Variants in CACNA2D1 observed in about 807,000 individuals in gnomAD.
CACNA2D1 encodes calcium voltage-gated channel auxiliary subunit alpha2delta 1, also known as voltage-dependent calcium channel subunit alpha-2/delta-1.
Under a neutral mutation model 171.5 loss-of-function variants are expected in CACNA2D1, and 53 were observed. The ratio of observed to expected loss-of-function variants is 0.31; its 90% confidence interval spans 0.25 to 0.39. The LOEUF (loss-of-function observed/expected upper bound fraction) is 0.39, where lower values mean the gene tolerates loss of function less well. CACNA2D1 is among the 10% of genes least tolerant of loss of function. The probability of loss-of-function intolerance (pLI) is 1.00; values close to 1 mark genes in which losing one functional copy is unlikely to be tolerated. For missense variants in CACNA2D1, 903 were observed against 1,299.8 expected (o/e 0.69, Z 4.69); for synonymous variants, 442 against 443.1 (o/e 1.00, Z 0.03).
chr7:82,000,813 T>G (rs1255344664), intron 18 of CACNA2D1, among the ~76,000 whole-genome samples: 2 of 123,086 alleles, frequency 1.6e-5, no homozygotes, highest in Admixed American at 1.7e-4. Context: ...TTTTTTTTTG[T>G]AGAGGCAGGG....
chr7:82,421,669 C>T (rs2129457306), intron 1 of CACNA2D1, among the ~76,000 whole-genome samples: 1 of 152,140 alleles, frequency 6.6e-6, no homozygotes, highest in East Asian at 1.9e-4. Context: ...TGATGATTGC[C>T]TCCTGCACTA....
chr7:82,226,616 C>T (rs1260510231), intron 3 of CACNA2D1, among the ~76,000 whole-genome samples: 2 of 152,050 alleles, frequency 1.3e-5, no homozygotes, highest in South Asian at 2.1e-4. Flanking sequence ...GAGGAGGGAG[C>T]TCATTCAATC....
At chr7:82,245,987 G>C (rs1382472546) in intron 3 of CACNA2D1, among the ~76,000 whole-genome samples, 3 of 151,876 alleles carry the variant, frequency 2.0e-5, no homozygotes, top group Non-Finnish European at 2.9e-5. Context: ...TCTATGTATA[G>C]AGATCATTTG....
chr7:81,987,782 T>C (rs943192850), intron 21 of CACNA2D1, among the ~76,000 whole-genome samples: 4 of 152,038 alleles, frequency 2.6e-5, no homozygotes, highest in African/African-American at 9.7e-5. Flanking sequence ...GGTGGGAAAG[T>C]TGGGGCCTTG....
chr7:82,112,898 T>C (rs1788622945), intron 6 of CACNA2D1, among the ~76,000 whole-genome samples: 1 of 152,178 alleles, frequency 6.6e-6, no homozygotes. Context: ...TCAAGATAAG[T>C]TACAAGGATA....
chr7:82,152,896 C>T (rs1379216412), intron 4 of CACNA2D1, among the ~76,000 whole-genome samples: 1 of 151,692 alleles, frequency 6.6e-6, no homozygotes, highest in Non-Finnish European at 1.5e-5. Flanking sequence ...CATTTTGAAA[C>T]ATACTAAGGC....
At chr7:82,226,762 GT>G (rs1802409307) in intron 3 of CACNA2D1, among the ~76,000 whole-genome samples, 1 of 152,166 alleles carries the variant, frequency 6.6e-6, no homozygotes, top group Non-Finnish European at 1.5e-5. Context: ...CTTAGCGACT[GT>G]TTTTCTTGCA....
intron 15 of CACNA2D1, among the ~76,000 whole-genome samples, chr7:82,010,918 T>C (rs1210544085): frequency 1.3e-5 from 2 of 152,204 alleles, no homozygotes; most frequent in East Asian, 3.8e-4. Flanking sequence ...TCAGGTCTTA[T>C]TATTTTGATT....
chr7:82,349,611 A>G lies in CACNA2D1; in HGVS notation c.134T>C (p.Val45Ala). ...TCCACTTGCTGTTTTTGCCAGTGTG[A>G]CAAGGTCTTCTTGCATCTTATCCAC... ...SWVDKMQEDLVTLAKTASGVN... is the reference protein window; with the variant it reads ...SWVDKMQEDLATLAKTASGVN... The change falls in exon 2 of 39, where the codon GTC (valine) becomes GCC (alanine). Residue 45 changes from valine (V) to alanine (A), a missense_variant. Coordinates refer to ENST00000356860, the MANE Select transcript of CACNA2D1 (RefSeq NM_000722.4). 9 of 1,614,054 alleles carry G rather than the reference A, an allele frequency of 5.6e-6. No homozygotes were observed. Among genetic ancestry groups the G allele is most frequent in the Non-Finnish European group, 7.6e-6 (9 of 1,179,918 alleles).
intron 34 of CACNA2D1, 68 bp downstream of exon 34, chr7:81,963,984 ATTTT>A: frequency 7.8e-7 from 1 of 1,280,084 alleles, no homozygotes; most frequent in Non-Finnish European, 1.1e-6. Flanking sequence ...CTAAATCCAT[ATTTT>A]CATCAGATGC....
At chr7:82,287,253 C>T (rs1366273651) in intron 3 of CACNA2D1, among the ~76,000 whole-genome samples, 2 of 127,056 alleles carry the variant, frequency 1.6e-5, no homozygotes, top group African/African-American at 6.8e-5. Flanking sequence ...TTGGCTTCTT[C>T]TTTTCTTTCT....
intron 4 of CACNA2D1, among the ~76,000 whole-genome samples, chr7:82,153,845 TA>T (rs35485872): frequency 8.8e-5 from 13 of 147,922 alleles, no homozygotes; most frequent in African/African-American, 2.0e-4. Context: ...GAGCAAACTA[TA>T]AAAAAAAAAC....
intron 1 of CACNA2D1, among the ~76,000 whole-genome samples, chr7:82,431,618 T>A (rs1273332250): frequency 6.6e-6 from 1 of 152,180 alleles, no homozygotes; most frequent in East Asian, 1.9e-4. Flanking sequence ...TTGAGCTGCT[T>A]GAGATCAAAT....
In CACNA2D1 at chr7:82,427,548, G is replaced by T. The variant is rs1229253496; in HGVS notation, c.95+15817C>A. On this transcript the variant is annotated intron_variant, in intron 1 of 38. Coordinates refer to ENST00000356860, the MANE Select transcript of CACNA2D1 (RefSeq NM_000722.4). ...TGTCACCTGATTAGACTGTTATCCT[G>T]CTTCTAATCAGAGTATATTTGTTCA... Among the ~76,000 whole-genome samples, 3 of 152,286 alleles carry T rather than the reference G, an allele frequency of 2.0e-5. 1 individual carries two copies. The highest frequency in any genetic ancestry group is 1.9e-4 in the East Asian group (1 of 5,172).
At chr7:82,340,548 G>T (rs1333106530) in intron 2 of CACNA2D1, among the ~76,000 whole-genome samples, 1 of 151,782 alleles carries the variant, frequency 6.6e-6, no homozygotes, top group Non-Finnish European at 1.5e-5. Flanking sequence ...AATTCTAACA[G>T]AATCCCATGT....
intron 2 of CACNA2D1, among the ~76,000 whole-genome samples, chr7:82,347,916 G>A (rs1819424681): frequency 6.6e-6 from 1 of 152,026 alleles, no homozygotes; most frequent in Admixed American, 6.5e-5. Flanking sequence ...GAAACCAGGT[G>A]AAAATTCTTT....
At chr7:82,429,731 A>G (rs1829513106) in intron 1 of CACNA2D1, among the ~76,000 whole-genome samples, 1 of 152,192 alleles carries the variant, frequency 6.6e-6, no homozygotes, top group South Asian at 2.1e-4. Flanking sequence ...GCAAAAATAT[A>G]AATTTTAAAC....
chr7:82,220,696 A>G (rs1410373496), intron 3 of CACNA2D1, among the ~76,000 whole-genome samples: 1 of 152,164 alleles, frequency 6.6e-6, no homozygotes, highest in Non-Finnish European at 1.5e-5. Flanking sequence ...AAATATTTTA[A>G]TAGCCATTGC....
rs1031486267 is a variant in CACNA2D1 at position 82,237,815 on chromosome 7, G to T, written c.295-67206C>A. Among the ~76,000 whole-genome samples the T allele has an allele frequency of 2.6e-5, 4 of 151,976 alleles. No individual in the cohort carries two copies. The South Asian group carries it at 8.3e-4, about 32-fold the overall frequency. On this transcript the variant is annotated intron_variant, in intron 3 of 38. Coordinates refer to ENST00000356860, the MANE Select transcript of CACNA2D1 (RefSeq NM_000722.4). ...ATATTAAAAAGAATCAGATACAAAG[G>T]CATCAAACCATAAAACACATTAGCA...
Sources: allele counts gnomAD v4.1 joint callset (sites outside exome capture counted in the v4.1 genomes callset), GRCh38; gene constraint gnomAD v4.1.1; transcripts MANE v1.5; gene names NCBI Gene and HGNC (gene_info 2026-07-23, HGNC 2026-07-21).